ANKRD44: variants seen among roughly 807,000 people sequenced by gnomAD.
ANKRD44 encodes the protein serine/threonine-protein phosphatase 6 regulatory ankyrin repeat subunit B.
A neutral mutation model predicts 116.0 loss-of-function variants in ANKRD44; 35 were observed. That is an observed-to-expected ratio of 0.30 (90% confidence interval 0.23 to 0.40). ANKRD44 has a LOEUF of 0.40. Among genes scored for constraint, ANKRD44 ranks in the 10% least tolerant of loss-of-function variants. ANKRD44 has a pLI of 1.00. For missense variants in ANKRD44, 1,014 were observed against 1,242.6 expected, an observed-to-expected ratio of 0.82 and a Z score of 2.77; for synonymous variants, 435 against 461.8, an observed-to-expected ratio of 0.94 and a Z score of 0.74.
rs1351508736 is a variant in ANKRD44, at chr2:197,200,714, T to C, written c.28-13608A>G. Among the ~76,000 whole-genome samples the C allele has an allele frequency of 2.0e-5, 3 of 152,310 alleles. No individual in the cohort carries two copies. The East Asian group carries it at 5.8e-4, about 29-fold the overall frequency. On this transcript the variant is annotated intron_variant, in intron 1 of 27. Coordinates refer to ENST00000282272, the MANE Select transcript of ANKRD44 (RefSeq NM_001195144.2). ...CAACAGTAGTCATTTAAGCTGCTCC[T>C]GCCCATCTGGAAAATAATATGAATA...
At chr2:197,227,552 C>A (rs1456161858) in intron 1 of ANKRD44, among the ~76,000 whole-genome samples, 2 of 151,934 alleles carry the variant, frequency 1.3e-5, no homozygotes, top group African/African-American at 4.8e-5. Context: ...TGTGCACATC[C>A]CAATTCTACT....
At position 197,305,913 on chromosome 2, in the gene ANKRD44, T is replaced by C. The variant is rs964203151; in HGVS notation, c.27+4665A>G. Among the ~76,000 whole-genome samples, 4 of 150,034 alleles carry C rather than the reference T, an allele frequency of 2.7e-5. No individual in the cohort carries two copies. In the East Asian group the frequency reaches 7.7e-4, roughly 29 times the overall value. ...TACAGGCTTCAGATGGTTTTAAAATTTTTTGGTTTGCTCATCTAGCTTTCT... is the reference window on the plus strand; with the variant it reads ...TACAGGCTTCAGATGGTTTTAAAATCTTTTGGTTTGCTCATCTAGCTTTCT... On this transcript the variant is annotated intron_variant, in intron 1 of 27. Coordinates refer to ENST00000282272, the MANE Select transcript of ANKRD44 (RefSeq NM_001195144.2).
intron 1 of ANKRD44, among the ~76,000 whole-genome samples, chr2:197,237,169 C>A (rs970854757): frequency 1.3e-5 from 2 of 152,106 alleles, no homozygotes; most frequent in African/African-American, 4.8e-5. Flanking sequence ...TAAGAATAGA[C>A]CTTTGTTCTA....
chr2:197,145,164 G>A (rs1316762780), intron 3 of ANKRD44, among the ~76,000 whole-genome samples: 2 of 152,080 alleles, frequency 1.3e-5, no homozygotes, highest in African/African-American at 4.8e-5. Flanking sequence ...GGTGGCACGC[G>A]CCTGTGGTCC....
chr2:197,264,425 C>A (rs911999863), intron 1 of ANKRD44, among the ~76,000 whole-genome samples: 4 of 152,188 alleles, frequency 2.6e-5, no homozygotes, highest in East Asian at 1.9e-4. Flanking sequence ...CCATTCCTTA[C>A]GCAGAAAGCA....
chr2:197,241,240 C>T (rs1438239366), intron 1 of ANKRD44, among the ~76,000 whole-genome samples: 4 of 152,146 alleles, frequency 2.6e-5, no homozygotes, highest in African/African-American at 9.7e-5. Context: ...TATGAGGATG[C>T]TAATAAATTC....
intron 1 of ANKRD44, among the ~76,000 whole-genome samples, chr2:197,264,130 A>G (rs1224616650): frequency 6.6e-6 from 1 of 152,206 alleles, no homozygotes; most frequent in African/African-American, 2.4e-5. Context: ...AAAAGAAAGG[A>G]GCCTGCCCTC....
At chr2:196,973,521 T>C (rs1017474701) in intron 21 of ANKRD44, among the ~76,000 whole-genome samples, 1 of 152,160 alleles carries the variant, frequency 6.6e-6, no homozygotes, top group African/African-American at 2.4e-5. Context: ...GAACCGGAGA[T>C]TTAAAAAAAT....
intron 16 of ANKRD44, among the ~76,000 whole-genome samples, chr2:197,026,275 T>C (rs943781575): frequency 6.6e-6 from 1 of 152,204 alleles, no homozygotes; most frequent in African/African-American, 2.4e-5. Flanking sequence ...GAGGTGGACC[T>C]ACTATAAAAG....
At chr2:197,073,834 GA>G (rs2125106654) in intron 16 of ANKRD44, among the ~76,000 whole-genome samples, 1 of 152,298 alleles carries the variant, frequency 6.6e-6, no homozygotes, top group African/African-American at 2.4e-5. Flanking sequence ...ATCTCACTTT[GA>G]AATGTGGAGG....
intron 1 of ANKRD44, among the ~76,000 whole-genome samples, chr2:197,228,464 G>C (rs1010115936): frequency 6.6e-6 from 1 of 152,186 alleles, no homozygotes; most frequent in Non-Finnish European, 1.5e-5. Context: ...ATTTCCTTTT[G>C]ACCTGGTCCA....
chr2:196,977,769 C>T (rs556801736), intron 21 of ANKRD44, among the ~76,000 whole-genome samples: 96 of 152,150 alleles, frequency 6.3e-4, no homozygotes, highest in Non-Finnish European at 1.2e-3. Context: ...GCAGCCTCTG[C>T]GGAACAGTTT....
intron 1 of ANKRD44, among the ~76,000 whole-genome samples, chr2:197,235,341 G>T (rs913784316): frequency 6.6e-6 from 1 of 152,132 alleles, no homozygotes; most frequent in Non-Finnish European, 1.5e-5. Flanking sequence ...ATCCAGCCAG[G>T]CACGGTGGCT....
intron 16 of ANKRD44, among the ~76,000 whole-genome samples, chr2:197,035,958 C>T (rs2076798852): frequency 6.6e-6 from 1 of 152,090 alleles, no homozygotes; most frequent in Admixed American, 6.5e-5. Context: ...AGTGGACCCC[C>T]AGTCTTTCTG....
At chr2:196,998,842 T>C (rs992894380) in intron 24 of ANKRD44, 65 bp downstream of exon 24, 10 of 1,584,308 alleles carry the variant, frequency 6.3e-6, no homozygotes, top group Non-Finnish European at 8.6e-6. Flanking sequence ...AACTGATTTC[T>C]TGATTTGACA....
intron 17 of ANKRD44, among the ~76,000 whole-genome samples, chr2:197,024,694 A>T (rs1242554197): frequency 6.6e-6 from 1 of 152,186 alleles, no homozygotes; most frequent in Non-Finnish European, 1.5e-5. Flanking sequence ...ACTTCGTTGA[A>T]GACCCTGATT....
intron 2 of ANKRD44, among the ~76,000 whole-genome samples, chr2:197,182,558 G>A (rs1271846328): frequency 1.3e-5 from 2 of 152,202 alleles, no homozygotes; most frequent in East Asian, 1.9e-4. Context: ...TGGACTAGGC[G>A]ATTGAGCAGA....
At chr2:197,251,404 T>C (rs185109486) in intron 1 of ANKRD44, among the ~76,000 whole-genome samples, 1 of 152,314 alleles carries the variant, frequency 6.6e-6, no homozygotes, top group African/African-American at 2.4e-5. Flanking sequence ...TCTGGACAAT[T>C]GTGTGACTTC....
intron 1 of ANKRD44, among the ~76,000 whole-genome samples, chr2:197,253,747 T>G (rs1487882597): frequency 6.6e-6 from 1 of 152,202 alleles, no homozygotes; most frequent in African/African-American, 2.4e-5. Context: ...GCTCTGCAGT[T>G]AGTTTTGTCT....
Sources: allele counts gnomAD v4.1 joint callset (sites outside exome capture counted in the v4.1 genomes callset), GRCh38; gene constraint gnomAD v4.1.1; transcripts MANE v1.5; gene names NCBI Gene and HGNC (gene_info 2026-07-23, HGNC 2026-07-21).